The following MACF1 variants were observed in gnomAD, a reference collection of about 807,000 sequenced individuals.
MACF1 encodes microtubule-actin cross-linking factor 1.
A neutral mutation model predicts 854.8 loss-of-function variants in MACF1; 193 were observed. The ratio of observed to expected loss-of-function variants is 0.23; its 90% CI spans 0.20 to 0.25. The LOEUF is 0.25. Ranked by LOEUF, MACF1 falls within the 10% of genes least tolerant of loss-of-function variation. MACF1 has a pLI of 1.00. For synonymous variants in MACF1, 3,185 were observed against 3,226.7 expected (o/e 0.99, Z 0.44); for missense variants, 7,722 against 8,929.1 (o/e 0.86, Z 5.45).
intron 31 of MACF1, 58 bp from the exon 32 acceptor site, chr1:39,322,550 A>G: frequency 7.3e-7 from 1 of 1,369,562 alleles, no homozygotes. Flanking sequence ...GATTTATTAC[A>G]TGATGTATGT....
intron 58 of MACF1, chr1:39,413,858 C>T (rs779000788): frequency 3.0e-5 from 49 of 1,610,634 alleles, no homozygotes; most frequent in Middle Eastern, 1.7e-4. Context: ...CCCACTTCCC[C>T]GGCAGCTTCA....
intron 49 of MACF1, among the ~76,000 whole-genome samples, chr1:39,362,631 G>A (rs1648298253): frequency 6.6e-6 from 1 of 151,950 alleles, no homozygotes; most frequent in South Asian, 2.1e-4. Flanking sequence ...GTCTTCCTCA[G>A]CATAAGAGCA....
At chr1:39,218,318 C>G (rs1282346655) in intron 1 of MACF1, among the ~76,000 whole-genome samples, 3 of 148,954 alleles carry the variant, frequency 2.0e-5, no homozygotes, top group African/African-American at 7.4e-5. Flanking sequence ...TTAAAAATAA[C>G]AAAGGACAAA....
At chr1:39,463,314 C>G (rs182366504) in intron 93 of MACF1, among the ~76,000 whole-genome samples, 1 of 151,968 alleles carries the variant, frequency 6.6e-6, no homozygotes, top group Non-Finnish European at 1.5e-5. Flanking sequence ...TGAAGAAACC[C>G]CATCTCTACT....
intron 38 of MACF1, among the ~76,000 whole-genome samples, chr1:39,339,133 A>G (rs1310879378): frequency 6.6e-6 from 1 of 152,002 alleles, no homozygotes; most frequent in Non-Finnish European, 1.5e-5. Context: ...TATACACCCT[A>G]GTCCCAGCCA....
chr1:39,410,835 G>A (rs762351004), intron 58 of MACF1: 1 of 1,614,036 alleles, frequency 6.2e-7, no homozygotes, highest in Non-Finnish European at 8.5e-7. Context: ...CTCAGTCAGA[G>A]TCAGTAACTC....
chr1:39,485,690 G>T lies in MACF1; in HGVS notation c.22564G>T (p.Gly7522Cys), dbSNP rs1161173682. Residue 7522 changes from glycine to cysteine, a missense_variant, in exon 101 of 101, where the codon GGC becomes TGC. Gly to Cys is a radical substitution (Grantham distance 159). Coordinates refer to ENST00000564288, the MANE Select transcript of MACF1 (RefSeq NM_001394062.1). Reference sequence around the variant, plus strand: ...CACTTCAGAAAGCAGCGCTGCAGGGGGCCAAGGCAACTCCAGGAGAGGGCT... The same window carrying T: ...CACTTCAGAAAGCAGCGCTGCAGGGTGCCAAGGCAACTCCAGGAGAGGGCT... ...SDTSESSAAG[G>C]QGNSRRGLNK... 5 of 1,613,878 alleles carry T rather than the reference G, an allele frequency of 3.1e-6. No homozygotes were observed. Among genetic ancestry groups the T allele is most frequent in the Non-Finnish European group, 4.2e-6 (5 of 1,180,002 alleles).
intron 58 of MACF1, chr1:39,410,256 T>C (rs1642927152): frequency 1.3e-6 from 2 of 1,552,470 alleles, no homozygotes; most frequent in Non-Finnish European, 1.7e-6. Context: ...TTCATCTTGA[T>C]TGAAAAAGGA....
At chr1:39,141,356 A>G (rs907794345) in intron 2 of MACF1, among the ~76,000 whole-genome samples, 1 of 152,080 alleles carries the variant, frequency 6.6e-6, no homozygotes, top group Admixed American at 6.6e-5. Context: ...GAGAAATTAT[A>G]TTTCTAACAA....
At chr1:39,111,413 C>A (rs1230775934) in intron 2 of MACF1, among the ~76,000 whole-genome samples, 1 of 151,954 alleles carries the variant, frequency 6.6e-6, no homozygotes, top group African/African-American at 2.4e-5. Flanking sequence ...GACGGAGTCT[C>A]ACTCTGTCAC....
chr1:39,240,016 T>A (rs1436195502), intron 2 of MACF1, among the ~76,000 whole-genome samples: 1 of 152,092 alleles, frequency 6.6e-6, no homozygotes, highest in African/African-American at 2.4e-5. Flanking sequence ...CCTTCCCGAG[T>A]GCTAGGATTA....
chr1:39,333,626 TGAA>T lies in MACF1; in HGVS notation c.7043_7045del (p.Glu2348del), dbSNP rs1429421702. 6.2e-7 allele frequency: 1 copy of T among 1,614,102 alleles called. No individual in the cohort carries two copies. Among genetic ancestry groups the T allele is most frequent in the African/African-American group, 1.3e-5 (1 of 74,924 alleles). On this transcript the variant is annotated inframe_deletion, in exon 37 of 101. Coordinates refer to ENST00000564288, the MANE Select transcript of MACF1 (RefSeq NM_001394062.1). Reference sequence around the variant, plus strand: ...CTCAGACTTGTGAGTCTTTGACAACTGAAGAAGTCATTAATGAAGGTCTGATGG... The same window carrying T: ...CTCAGACTTGTGAGTCTTTGACAACTGAAGTCATTAATGAAGGTCTGATGG...
At chr1:39,378,408 G>A in intron 52 of MACF1, 53 bp from the exon 53 acceptor site, 1 of 1,343,004 alleles carries the variant, frequency 7.4e-7, no homozygotes, top group Non-Finnish European at 1.1e-6. Flanking sequence ...GTGCCTATAT[G>A]TATTCCTAAC....
intron 58 of MACF1, among the ~76,000 whole-genome samples, chr1:39,393,188 A>ATATATATAT (rs1365389099): frequency 1.1e-5 from 1 of 88,224 alleles, no homozygotes; most frequent in African/African-American, 6.3e-5. Flanking sequence ...GGGTAAAAAA[A>ATATATATAT]AAAAAAAAAT....
rs1337933320 is a variant in MACF1, at chr1:39,105,970, C to T, written c.220+21532C>T. ...GATTTGCCCTATTATCCGGCCCCAG[C>T]TGGAAGAAGGCGAGACAAGGCGCTG... On this transcript the variant is annotated intron_variant, in intron 2 of 93. Transcript: ENST00000361689. This position sits in a 1 kb window ranked among gnomAD's most constrained non-coding sequence, Gnocchi z 5.9. Among the ~76,000 whole-genome samples the T allele has an allele frequency of 6.6e-6, 1 of 152,186 alleles. No homozygotes were observed. The highest frequency in any genetic ancestry group is 1.5e-5 in the Non-Finnish European group (1 of 68,024).
At chr1:39,358,106 T>C (rs1647749095) in intron 45 of MACF1, among the ~76,000 whole-genome samples, 1 of 152,236 alleles carries the variant, frequency 6.6e-6, no homozygotes, top group Admixed American at 6.5e-5. Context: ...TAATACCTAA[T>C]ACCTAGCACT....
At chr1:39,410,818 A>G (rs1642961529) in intron 58 of MACF1, 1 of 1,613,894 alleles carries the variant, frequency 6.2e-7, no homozygotes, top group Non-Finnish European at 8.5e-7. Flanking sequence ...TTTGGACCAC[A>G]GGGAACCTCA....
intron 2 of MACF1, among the ~76,000 whole-genome samples, chr1:39,121,645 G>A (rs982523473): frequency 1.3e-4 from 20 of 152,004 alleles, no homozygotes; most frequent in African/African-American, 1.9e-4. Context: ...ACGGGGTTTC[G>A]CCATTTTGGC....
chr1:39,391,090 G>A (rs1338129914), intron 58 of MACF1, among the ~76,000 whole-genome samples: 3 of 149,952 alleles, frequency 2.0e-5, no homozygotes, highest in African/African-American at 7.4e-5. Context: ...CAGCCTGGGT[G>A]ACAGAGTGAG....
Sources: allele counts gnomAD v4.1 joint callset (sites outside exome capture counted in the v4.1 genomes callset), GRCh38; gene constraint gnomAD v4.1.1; non-coding constraint Gnocchi (gnomAD v3.1); transcripts MANE v1.5; gene names NCBI Gene and HGNC (gene_info 2026-07-23, HGNC 2026-07-21).